POGLUT2: variants seen among roughly 807,000 people sequenced by gnomAD.
The protein encoded by POGLUT2 is ER protein 58.
Under a neutral mutation model 57.6 loss-of-function variants are expected in POGLUT2, and 47 were observed. That is an observed-to-expected ratio of 0.82 (90% CI 0.65 to 1.04). The LOEUF is 1.04. Among genes scored for constraint, POGLUT2 ranks in the 50% least tolerant of loss-of-function variants. The pLI, the probability that POGLUT2 is intolerant of heterozygous loss-of-function variation, is 0.00. For missense variants in POGLUT2, 565 were observed against 614.8 expected, an observed-to-expected ratio of 0.92 and a Z score of 0.86; for synonymous variants, 200 against 218.8, an observed-to-expected ratio of 0.91 and a Z score of 0.76.
In POGLUT2 at chr13:102,789,240, G is replaced by T. The variant is rs1878076350; in HGVS notation, c.1084-19C>A. 1.9e-6 allele frequency: 3 copies of T among 1,593,766 alleles called. No individual in the cohort carries two copies. Among genetic ancestry groups the T allele is most frequent in the Non-Finnish European group, 2.6e-6 (3 of 1,161,764 alleles). On this transcript the variant is annotated intron_variant, in intron 6 of 9. Coordinates refer to ENST00000376004, the MANE Select transcript of POGLUT2 (RefSeq NM_024089.3). ...ACTTATGCTGCAAAACAATGGTAAAGTCTAAGAACCTCTATTAAATCTCCT... is the reference window on the plus strand; with the variant it reads ...ACTTATGCTGCAAAACAATGGTAAATTCTAAGAACCTCTATTAAATCTCCT...
At chr13:102,794,443 C>T (rs1323942843) in intron 2 of POGLUT2, among the ~76,000 whole-genome samples, 1 of 151,968 alleles carries the variant, frequency 6.6e-6, no homozygotes, top group East Asian at 1.9e-4. Flanking sequence ...GGGTGGATAA[C>T]TTGAGGTCAG....
intron 4 of POGLUT2, among the ~76,000 whole-genome samples, 160 bp from the exon 5 acceptor site, chr13:102,791,590 T>C (rs1878181467): frequency 6.6e-6 from 1 of 152,238 alleles, no homozygotes; most frequent in African/African-American, 2.4e-5. Context: ...TGTTTCAGAA[T>C]ATGGTCACAT....
At chr13:102,795,167 G>A (rs1878327413) in intron 2 of POGLUT2, among the ~76,000 whole-genome samples, 2 of 147,866 alleles carry the variant, frequency 1.4e-5, no homozygotes, top group African/African-American at 5.1e-5. Flanking sequence ...CAGCAGAATC[G>A]CTTGAACCCG....
chr13:102,798,371 C>A, intron 1 of POGLUT2, 118 bp downstream of exon 1: 2 of 917,598 alleles, frequency 2.2e-6, no homozygotes, highest in Non-Finnish European at 3.2e-6. Context: ...AATGGGTAAC[C>A]AAATATCCTG....
intron 4 of POGLUT2, 79 bp from the exon 5 acceptor site, chr13:102,791,509 A>G: frequency 7.5e-7 from 1 of 1,334,090 alleles, no homozygotes; most frequent in East Asian, 2.3e-5. Flanking sequence ...TAAATTTGAA[A>G]TTGCATTAAT....
intron 9 of POGLUT2, among the ~76,000 whole-genome samples, chr13:102,785,911 G>A (rs938908315): frequency 2.6e-5 from 4 of 152,180 alleles, no homozygotes; most frequent in Admixed American, 2.6e-4. Context: ...GGAGATGAGG[G>A]CATCAGATGA....
At chr13:102,791,544 G>T in intron 4 of POGLUT2, 114 bp from the exon 5 acceptor site, 1 of 986,132 alleles carries the variant, frequency 1.0e-6, no homozygotes, top group Non-Finnish European at 1.5e-6. Flanking sequence ...ACATGTTTCA[G>T]GTAATAATAA....
chr13:102,795,250 CAAA>C (rs58015405), intron 2 of POGLUT2, among the ~76,000 whole-genome samples: 2 of 42,650 alleles, frequency 4.7e-5, no homozygotes, highest in Admixed American at 2.3e-4. Context: ...GACATCGTCT[CAAA>C]AAAAAAAAAA....
intron 4 of POGLUT2, chr13:102,793,021 C>G: frequency 4.5e-6 from 1 of 221,150 alleles, no homozygotes; most frequent in African/African-American, 2.3e-5. Flanking sequence ...AGTGATCCAC[C>G]CGCTTTGACC....
At chr13:102,796,753 A>G in intron 2 of POGLUT2, 51 bp downstream of exon 2, 4 of 868,238 alleles carry the variant, frequency 4.6e-6, no homozygotes, top group Non-Finnish European at 7.4e-6. Context: ...ATGGAATAAC[A>G]TATATTATTT....
At chr13:102,792,090 T>C (rs553011781) in intron 4 of POGLUT2, 11 of 1,286,106 alleles carry the variant, frequency 8.6e-6, no homozygotes, top group Non-Finnish European at 1.1e-5. Flanking sequence ...GACGGTACTC[T>C]GATGTCTTAG....
At chr13:102,786,442 G>A in intron 8 of POGLUT2, 103 bp from the exon 9 acceptor site, 2 of 776,942 alleles carry the variant, frequency 2.6e-6, no homozygotes, top group South Asian at 3.0e-5. Flanking sequence ...TAACTCATGT[G>A]TGTCAAACTG....
Position 102,790,901 on chromosome 13 carries a change from C to T in POGLUT2, c.1083G>A (p.Lys361=), listed in dbSNP as rs758221907. 6 of 1,567,964 alleles carry T rather than the reference C, an allele frequency of 3.8e-6. No homozygotes were observed. Among genetic ancestry groups the T allele is most frequent in the Non-Finnish European group, 5.3e-6 (6 of 1,138,214 alleles). The change falls in exon 6 of 10, where the codon AAG becomes AAA. Residue 361 remains lysine (K), a splice_region_variant and synonymous_variant. Coordinates refer to ENST00000376004, the MANE Select transcript of POGLUT2 (RefSeq NM_024089.3). ...AGATTAGCTACTGATTAAGTCATAC[C>T]TTGAAGAAATCAAAAAATGAAATAT... is the stretch of plus-strand genomic sequence containing the variant. ...VKHISFFDFF[K]HKYQINIDGT... is the part of the protein sequence containing the mutation.
intron 7 of POGLUT2, 100 bp downstream of exon 7, chr13:102,788,912 A>G (rs1878059076): frequency 1.9e-6 from 2 of 1,033,704 alleles, no homozygotes; most frequent in Non-Finnish European, 1.5e-6. Flanking sequence ...AAAGTCTATT[A>G]CGTGAACATC....
At chr13:102,791,876 C>T (rs150392336) in intron 4 of POGLUT2, 3 of 725,292 alleles carry the variant, frequency 4.1e-6, no homozygotes, top group Non-Finnish European at 6.1e-6. Context: ...ATGCTTCCTT[C>T]CTCTACTGGC....
intron 8 of POGLUT2, 141 bp from the exon 9 acceptor site, chr13:102,786,480 A>G (rs2139080337): frequency 1.6e-6 from 1 of 611,580 alleles, no homozygotes; most frequent in East Asian, 2.7e-5. Context: ...CATATATACC[A>G]GTTCTGAACA....
At chr13:102,795,733 G>C (rs922056935) in intron 2 of POGLUT2, among the ~76,000 whole-genome samples, 2 of 152,078 alleles carry the variant, frequency 1.3e-5, no homozygotes, top group African/African-American at 4.8e-5. Context: ...ATCTTTTTAA[G>C]GTTTAGTGGG....
chr13:102,787,745 A>G (rs1878007040), intron 8 of POGLUT2, 89 bp downstream of exon 8: 1 of 626,950 alleles, frequency 1.6e-6, no homozygotes, highest in South Asian at 2.9e-5. Context: ...CTATAGTAAC[A>G]TATGTTTAGA....
At chr13:102,796,099 A>G (rs978177210) in intron 2 of POGLUT2, among the ~76,000 whole-genome samples, 2 of 151,900 alleles carry the variant, frequency 1.3e-5, no homozygotes, top group Non-Finnish European at 2.9e-5. Flanking sequence ...GATCGAAACC[A>G]TCCTGGTCAA....
Sources: gnomAD v4.1 joint callset for allele counts (sites outside exome capture counted in the v4.1 genomes callset) on GRCh38, gnomAD v4.1.1 for gene constraint, MANE v1.5 for transcripts, NCBI Gene and HGNC (gene_info 2026-07-23, HGNC 2026-07-21) for gene names.